PCDH11X: variants seen among roughly 807,000 people sequenced by gnomAD.
PCDH11X encodes the protein protocadherin 11 X-linked.
In PCDH11X, 18 loss-of-function variants were observed where a neutral mutation model predicts 53.3. The ratio of observed to expected loss-of-function variants is 0.34; its 90% CI spans 0.23 to 0.50. The LOEUF (loss-of-function observed/expected upper bound fraction) is 0.50. Among genes scored for constraint, PCDH11X ranks in the 20% least tolerant of loss-of-function variants. PCDH11X has a pLI of 0.98. For synonymous variants in PCDH11X, 279 were observed against 393.3 expected (o/e 0.71, Z 3.44); for missense variants, 570 against 1,032.4 (o/e 0.55, Z 6.14).
intron 8 of PCDH11X, among the ~76,000 whole-genome samples, chrX:92,339,298 C>T (rs2069694893): frequency 8.9e-6 from 1 of 112,064 alleles, no homozygotes; most frequent in Non-Finnish European, 1.9e-5. Context: ...AAATGTAAGA[C>T]CTCAAATTAT....
intron 10 of PCDH11X, among the ~76,000 whole-genome samples, chrX:92,545,400 T>G (rs868435859): frequency 1.1e-5 from 1 of 91,592 alleles, no homozygotes; most frequent in South Asian, 6.8e-4. Flanking sequence ...TTTTTTTTTT[T>G]TTTTTTTTTT....
intron 6 of PCDH11X, among the ~76,000 whole-genome samples, chrX:92,175,724 C>T (rs945976867): frequency 1.1e-4 from 11 of 100,705 alleles, no homozygotes; most frequent in African/African-American, 4.0e-4. Flanking sequence ...GATATTCTTC[C>T]CTGAAAAGAG....
chrX:92,213,606 C>T (rs982543936), intron 7 of PCDH11X, among the ~76,000 whole-genome samples: 2 of 111,693 alleles, frequency 1.8e-5, no homozygotes, highest in African/African-American at 6.5e-5. Context: ...TCCCACGATT[C>T]TCATGGCATG....
chrX:92,367,600 T>TTCTG (rs752166625), intron 8 of PCDH11X, among the ~76,000 whole-genome samples: 3 of 111,768 alleles, frequency 2.7e-5, no homozygotes, highest in Non-Finnish European at 5.6e-5. Flanking sequence ...TCATTGGTCT[T>TTCTG]TCTGTTTTGG....
chrX:92,273,069 G>A (rs1431861055), intron 8 of PCDH11X, among the ~76,000 whole-genome samples: 1 of 111,553 alleles, frequency 9.0e-6, no homozygotes, highest in Non-Finnish European at 1.9e-5. Context: ...ATATATTTAT[G>A]TTCTGGTGGT....
intron 10 of PCDH11X, among the ~76,000 whole-genome samples, chrX:92,585,660 G>A (rs367713390): frequency 9.2e-4 from 102 of 110,814 alleles, no homozygotes; most frequent in African/African-American, 2.9e-3. Context: ...GTGAGCCACC[G>A]CGCCCAGCCA....
At chrX:92,120,155 CTTTTTTTTTTT>C (rs764997941) in intron 6 of PCDH11X, among the ~76,000 whole-genome samples, 4 of 60,694 alleles carry the variant, frequency 6.6e-5, no homozygotes, top group East Asian at 4.7e-4. Flanking sequence ...ACTTTTCTTT[CTTTTTTTTTTT>C]TTTTTTTTTT....
intron 8 of PCDH11X, among the ~76,000 whole-genome samples, chrX:92,377,263 G>A (rs1603294240): frequency 9.0e-6 from 1 of 111,437 alleles, no homozygotes; most frequent in East Asian, 2.8e-4. Context: ...GTTGAACTCA[G>A]TATTGGACCT....
intron 10 of PCDH11X, among the ~76,000 whole-genome samples, chrX:92,524,548 C>G (rs1189463441): frequency 9.6e-6 from 1 of 103,814 alleles, no homozygotes; most frequent in East Asian, 3.1e-4. Flanking sequence ...GCCCAGTTGT[C>G]AGTAACCCCA....
intron 8 of PCDH11X, among the ~76,000 whole-genome samples, chrX:92,365,891 T>C (rs2070459142): frequency 9.1e-6 from 1 of 109,953 alleles, no homozygotes; most frequent in Non-Finnish European, 1.9e-5. Context: ...TTTCCAGTAT[T>C]TTATTGAGGA....
intron 8 of PCDH11X, among the ~76,000 whole-genome samples, chrX:92,323,445 T>G (rs1272775046): frequency 2.7e-5 from 3 of 109,863 alleles, no homozygotes; most frequent in Non-Finnish European, 5.7e-5. Flanking sequence ...GAATGCTGGC[T>G]TTCAGACCTG....
At chrX:92,475,778 A>C (rs1004613303) in intron 10 of PCDH11X, among the ~76,000 whole-genome samples, 2 of 111,377 alleles carry the variant, frequency 1.8e-5, no homozygotes, top group African/African-American at 6.5e-5. Context: ...TCCTACTCAT[A>C]TCTCTTTCTC....
intron 6 of PCDH11X, among the ~76,000 whole-genome samples, chrX:92,144,348 G>T (rs2065237256): frequency 9.1e-6 from 1 of 110,114 alleles, no homozygotes; most frequent in Admixed American, 9.7e-5. Context: ...ACCTTGAATT[G>T]TATCTCCCAG....
chrX:91,934,468 G>T (rs766277844), intron 6 of PCDH11X, among the ~76,000 whole-genome samples: 74 of 110,589 alleles, frequency 6.7e-4, no homozygotes, highest in African/African-American at 2.4e-3. Flanking sequence ...GCTAAAATCG[G>T]AAATTCTTGG....
In PCDH11X at chrX:91,781,313, AGG is replaced by A. The variant is rs751790762; in HGVS notation, c.-379+1635_-379+1636del. Among the ~76,000 whole-genome samples the A allele has an allele frequency of 3.4e-5, 3 of 86,994 alleles. No individual in the cohort carries two copies. In the Admixed American group the frequency reaches 3.8e-4, roughly 11 times the overall value. The allele number at this position is 86,994 out of a possible 115,157, so 75.5% of individuals were successfully genotyped here. A position where few individuals can be genotyped will look rare whatever the true frequency, so the allele number is the denominator to read the frequency against. On this transcript the variant is annotated intron_variant, in intron 1 of 10. Coordinates refer to ENST00000682573, the MANE Select transcript of PCDH11X (RefSeq NM_032968.5). ...GGTTGAAAATCCGGGTAGAAGGGGGAGGGGGGGCAGCAAAGATGGGGAGGAGG... is the reference window on the plus strand; with the variant it reads ...GGTTGAAAATCCGGGTAGAAGGGGGAGGGGGCAGCAAAGATGGGGAGGAGG...
chrX:92,143,791 A>G (rs2065227479), intron 6 of PCDH11X, among the ~76,000 whole-genome samples: 1 of 111,749 alleles, frequency 8.9e-6, no homozygotes, highest in Non-Finnish European at 1.9e-5. Flanking sequence ...TCCAGACTCC[A>G]GAATGGTAGA....
At chrX:92,484,114 A>G in intron 10 of PCDH11X, among the ~76,000 whole-genome samples, 1 of 74,666 alleles carries the variant, frequency 1.3e-5, no homozygotes, top group East Asian at 7.7e-4. Flanking sequence ...GTGTGTATAT[A>G]TATAGTATAT....
chrX:92,613,484 G>A (rs893733907), intron 10 of PCDH11X, among the ~76,000 whole-genome samples: 2 of 108,004 alleles, frequency 1.9e-5, no homozygotes, highest in African/African-American at 3.4e-5. Context: ...GATGGAGTTC[G>A]TTTGTATGTG....
At chrX:91,807,176 CAAAAA>C (rs1218341876) in intron 1 of PCDH11X, among the ~76,000 whole-genome samples, 4 of 32,306 alleles carry the variant, frequency 1.2e-4, no homozygotes, top group Non-Finnish European at 1.7e-4. Context: ...CTCATCTCTA[CAAAAA>C]AAAAAAAAAA....
Sources: allele counts gnomAD v4.1 joint callset (sites outside exome capture counted in the v4.1 genomes callset), GRCh38; gene constraint gnomAD v4.1.1; transcripts MANE v1.5; gene names NCBI Gene and HGNC (gene_info 2026-07-23, HGNC 2026-07-21).